ABI3BP: variants seen among roughly 807,000 people sequenced by gnomAD.
ABI3BP encodes the protein target of Nesh-SH3.
ABI3BP carries 216 observed loss-of-function variants against 268.6 expected under a neutral mutation model. That is an observed-to-expected ratio of 0.80 (90% confidence interval 0.72 to 0.90). The LOEUF is 0.90. ABI3BP is among the 40% of genes least tolerant of loss of function. ABI3BP has a pLI of 0.00. For synonymous variants in ABI3BP, 730 were observed against 730.0 expected (o/e 1.00, Z 0.00); for missense variants, 2,090 against 2,182.4 (o/e 0.96, Z 0.84).
intron 1 of ABI3BP, among the ~76,000 whole-genome samples, chr3:100,948,241 T>C (rs1415221111): frequency 6.6e-6 from 1 of 152,110 alleles, no homozygotes; most frequent in East Asian, 1.9e-4. Flanking sequence ...GAGAAATGAA[T>C]AATACAAAAT....
chr3:100,878,207 G>GA (rs2099183476), intron 6 of ABI3BP, among the ~76,000 whole-genome samples: 1 of 151,924 alleles, frequency 6.6e-6, no homozygotes, highest in Admixed American at 6.6e-5. Flanking sequence ...TAATAAAATG[G>GA]AAAAATGCAG....
At chr3:100,958,861 A>G (rs1233010498) in intron 1 of ABI3BP, among the ~76,000 whole-genome samples, 2 of 152,234 alleles carry the variant, frequency 1.3e-5, no homozygotes, top group African/African-American at 4.8e-5. Flanking sequence ...GGGAGTTTTT[A>G]TCTACTTGTG....
intron 1 of ABI3BP, among the ~76,000 whole-genome samples, chr3:100,984,171 C>T (rs1168425896): frequency 6.6e-6 from 1 of 151,904 alleles, no homozygotes; most frequent in African/African-American, 2.4e-5. Flanking sequence ...CCACCCTAGA[C>T]CAATTTAAAA....
At chr3:100,814,139 A>T (rs2097940235) in intron 44 of ABI3BP, among the ~76,000 whole-genome samples, 1 of 152,128 alleles carries the variant, frequency 6.6e-6, no homozygotes, top group Non-Finnish European at 1.5e-5. Context: ...TGAACAGCCC[A>T]CAAATTCTAA....
chr3:100,889,357 G>A (rs190929431), intron 4 of ABI3BP, among the ~76,000 whole-genome samples: 1 of 152,172 alleles, frequency 6.6e-6, no homozygotes, highest in African/African-American at 2.4e-5. Flanking sequence ...GTACTGCACT[G>A]GACTCTTTCA....
intron 50 of ABI3BP, among the ~76,000 whole-genome samples, chr3:100,807,103 T>A (rs533614570): frequency 1.3e-5 from 2 of 152,020 alleles, no homozygotes; most frequent in Non-Finnish European, 2.9e-5. Flanking sequence ...CCCCATTTGT[T>A]TTCTACTTTT....
At chr3:100,922,387 G>A (rs1402833867) in intron 2 of ABI3BP, among the ~76,000 whole-genome samples, 1 of 152,176 alleles carries the variant, frequency 6.6e-6, no homozygotes, top group African/African-American at 2.4e-5. Context: ...GAGGTTGAAG[G>A]TGGAATTACA....
At chr3:100,871,945 T>TCC (rs1189416405) in intron 9 of ABI3BP, among the ~76,000 whole-genome samples, 15 of 152,210 alleles carry the variant, frequency 9.9e-5, no homozygotes, top group Admixed American at 3.9e-4. Flanking sequence ...TCAGTGAACC[T>TCC]CCTGCCTCAG....
intron 63 of ABI3BP, among the ~76,000 whole-genome samples, chr3:100,757,262 A>C (rs1311463880): frequency 6.6e-6 from 1 of 152,200 alleles, no homozygotes; most frequent in Non-Finnish European, 1.5e-5. Context: ...ATTTCCCAGT[A>C]CTGAAAGACA....
chr3:100,928,894 G>T lies in ABI3BP; in HGVS notation c.80-2413C>A, dbSNP rs72928396. 2.1e-3 allele frequency among the ~76,000 whole-genome samples: 326 copies of T among 152,080 alleles called. 1 individual carries two copies. Among genetic ancestry groups the T allele is most frequent in the African/African-American group, 7.4e-3 (307 of 41,480 alleles). ...CCACAGATCATAATGCTCAAGTTGG[G>T]GTGCCAACTGCTAGTGTTTTGTGTG... On this transcript the variant is annotated intron_variant, in intron 1 of 67. Coordinates refer to ENST00000471714, the MANE Select transcript of ABI3BP (RefSeq NM_001375547.2).
chr3:100,761,820 A>T (rs1388769985), intron 63 of ABI3BP, among the ~76,000 whole-genome samples: 3 of 152,228 alleles, frequency 2.0e-5, no homozygotes, highest in Admixed American at 2.0e-4. Flanking sequence ...GCCAGTAATT[A>T]TCATCTGAAT....
chr3:100,766,640 A>G (rs1485207676), intron 62 of ABI3BP, among the ~76,000 whole-genome samples: 9 of 152,326 alleles, frequency 5.9e-5, no homozygotes, highest in African/African-American at 1.9e-4. Context: ...GCACATTTCT[A>G]TGAACTTGCA....
At chr3:100,794,830 G>GA (rs1397422397) in intron 54 of ABI3BP, 93 bp downstream of exon 54, 9 of 909,794 alleles carry the variant, frequency 9.9e-6, no homozygotes, top group Middle Eastern at 2.9e-4. Flanking sequence ...CTATTATTTA[G>GA]AAAAAATCTG....
chr3:100,850,026 C>T lies in ABI3BP; in HGVS notation c.1501+19G>A, dbSNP rs375409511. 2.5e-6 allele frequency: 4 copies of T among 1,603,022 alleles called. No homozygotes were observed. Among genetic ancestry groups the T allele is most frequent in the Admixed American group, 1.7e-5 (1 of 59,168 alleles). On this transcript the variant is annotated intron_variant, in intron 17 of 67. Coordinates refer to ENST00000471714, the MANE Select transcript of ABI3BP (RefSeq NM_001375547.2). Reference sequence around the variant, plus strand: ...TGTTTCGTCAATGCATACATAACTACATAAATGTCATTAGTTACCAGGTGT... The same window carrying T: ...TGTTTCGTCAATGCATACATAACTATATAAATGTCATTAGTTACCAGGTGT...
chr3:100,749,867 C>A lies in ABI3BP; in HGVS notation c.*628G>T. 2.5e-6 allele frequency: 1 copy of A among 395,840 alleles called. No individual in the cohort carries two copies. The highest frequency in any genetic ancestry group is 4.5e-6 in the Non-Finnish European group (1 of 224,710). 24.5% of individuals were successfully genotyped at this position (395,840 alleles called of 1,614,324 possible). ...TTAGCTGAAATGAAATTTACTGATT[C>A]AATCTTTTTAAGAATTTGTGGATGT... On this transcript the variant is annotated 3_prime_UTR_variant, in exon 68 of 68. Transcript: ENST00000471714.
intron 1 of ABI3BP, among the ~76,000 whole-genome samples, chr3:100,964,995 A>C (rs1204576064): frequency 6.6e-6 from 1 of 152,040 alleles, no homozygotes; most frequent in Non-Finnish European, 1.5e-5. Flanking sequence ...TGTCATGATA[A>C]ATTTTTGTAT....
At chr3:100,974,273 A>T (rs1429889473) in intron 1 of ABI3BP, among the ~76,000 whole-genome samples, 1 of 152,218 alleles carries the variant, frequency 6.6e-6, no homozygotes, top group African/African-American at 2.4e-5. Context: ...CAAGAGAAAT[A>T]AAAATGTGTG....
At chr3:100,936,113 T>C (rs1214186401) in intron 1 of ABI3BP, among the ~76,000 whole-genome samples, 2 of 152,186 alleles carry the variant, frequency 1.3e-5, no homozygotes, top group African/African-American at 4.8e-5. Flanking sequence ...GGCTGTGGGT[T>C]TGTCATAAAT....
At chr3:100,892,799 T>G (rs1449271860) in intron 4 of ABI3BP, among the ~76,000 whole-genome samples, 1 of 152,194 alleles carries the variant, frequency 6.6e-6, no homozygotes, top group Non-Finnish European at 1.5e-5. Flanking sequence ...TGTTAAAGAC[T>G]AGACATAGAT....
Sources: allele counts gnomAD v4.1 joint callset (sites outside exome capture counted in the v4.1 genomes callset), GRCh38; gene constraint gnomAD v4.1.1; transcripts MANE v1.5; gene names NCBI Gene and HGNC (gene_info 2026-07-23, HGNC 2026-07-21).